Variants in NRCAM observed in about 807,000 individuals in gnomAD.
The protein encoded by NRCAM is NgCAM-related cell adhesion molecule.
NRCAM carries 83 observed loss-of-function variants against 156.5 expected under a neutral mutation model. The ratio of observed to expected loss-of-function variants is 0.53; its 90% confidence interval spans 0.44 to 0.64. The LOEUF is 0.64. Ranked by LOEUF, NRCAM falls within the 30% of genes least tolerant of loss-of-function variation. The pLI, the probability that NRCAM is intolerant of heterozygous loss-of-function variation, is 0.00. For synonymous variants in NRCAM, 538 were observed against 563.9 expected (o/e 0.95, Z 0.65); for missense variants, 1,417 against 1,597.3 (o/e 0.89, Z 1.92).
intron 2 of NRCAM, among the ~76,000 whole-genome samples, chr7:108,390,912 G>A (rs2099757585): frequency 6.6e-6 from 1 of 152,032 alleles, no homozygotes; most frequent in African/African-American, 2.4e-5. Flanking sequence ...CTGAGTTCTA[G>A]TTTGATTGCA....
intron 2 of NRCAM, among the ~76,000 whole-genome samples, chr7:108,389,812 G>A (rs145276618): frequency 0.25 from 38,306 of 151,952 alleles, 5,095 homozygotes; most frequent in Non-Finnish European, 0.28. Context: ...TATTGAGATA[G>A]TCATGTGGTT....
At chr7:108,216,047 T>A (rs1259773325) in intron 11 of NRCAM, among the ~76,000 whole-genome samples, 1 of 152,214 alleles carries the variant, frequency 6.6e-6, no homozygotes, top group African/African-American at 2.4e-5. Context: ...AGTGGCTGGT[T>A]CTGGTTTTTC....
At position 108,225,612 on chromosome 7, in the gene NRCAM, G is replaced by A. The variant is rs748518087; in HGVS notation, c.778+33C>T. On this transcript the variant is annotated intron_variant, in intron 10 of 32. Transcript: ENST00000379028. ...TAGTGAACTAAATTCTACAATGAAG[G>A]AGAGAATATCAGTTACAATCACCAT... 1.3e-5 allele frequency: 17 copies of A among 1,326,706 alleles called. No individual in the cohort carries two copies. In the Middle Eastern group the frequency reaches 7.6e-4, roughly 59 times the overall value. The allele number at this position is 1,326,706 out of a possible 1,614,324, so 82.2% of individuals were successfully genotyped here. A position where few individuals can be genotyped will look rare whatever the true frequency, so the allele number is the denominator to read the frequency against.
chr7:108,356,687 G>A (rs1319350836), intron 2 of NRCAM, among the ~76,000 whole-genome samples: 1 of 152,178 alleles, frequency 6.6e-6, no homozygotes, highest in East Asian at 1.9e-4. Flanking sequence ...ACTTATATTA[G>A]TTTATAAAAA....
At chr7:108,441,222 CAA>C (rs1320279437) in intron 1 of NRCAM, among the ~76,000 whole-genome samples, 2 of 152,070 alleles carry the variant, frequency 1.3e-5, no homozygotes, top group African/African-American at 4.8e-5. Flanking sequence ...TGAGAATATG[CAA>C]AAGTTATCTT....
At chr7:108,223,027 G>T (rs1302440419) in intron 11 of NRCAM, among the ~76,000 whole-genome samples, 7 of 152,162 alleles carry the variant, frequency 4.6e-5, no homozygotes, top group African/African-American at 1.7e-4. Flanking sequence ...TTGGCCTTGT[G>T]ACCTGCCAAT....
intron 2 of NRCAM, among the ~76,000 whole-genome samples, chr7:108,341,728 C>T (rs953147455): frequency 6.6e-6 from 1 of 152,122 alleles, no homozygotes; most frequent in African/African-American, 2.4e-5. Context: ...CCCTTAGACC[C>T]GAGGCCCAAC....
intron 13 of NRCAM, among the ~76,000 whole-genome samples, chr7:108,203,148 G>C (rs190827578): frequency 4.9e-4 from 74 of 152,290 alleles, no homozygotes; most frequent in African/African-American, 1.8e-3. Flanking sequence ...CCTGCCAATA[G>C]CAAGTTCATT....
chr7:108,352,120 C>G (rs1195110044), intron 2 of NRCAM, among the ~76,000 whole-genome samples: 1 of 152,162 alleles, frequency 6.6e-6, no homozygotes, highest in Non-Finnish European at 1.5e-5. Context: ...ATTCCTTCCT[C>G]TAAGAATTGA....
intron 14 of NRCAM, among the ~76,000 whole-genome samples, chr7:108,196,209 C>T (rs1455306772): frequency 6.6e-6 from 1 of 152,154 alleles, no homozygotes; most frequent in African/African-American, 2.4e-5. Flanking sequence ...TGTTGAATGA[C>T]TCACTCATCA....
At chr7:108,398,735 CT>C (rs1380838522) in intron 2 of NRCAM, among the ~76,000 whole-genome samples, 1 of 152,174 alleles carries the variant, frequency 6.6e-6, no homozygotes, top group African/African-American at 2.4e-5. Context: ...CATTAGCTGC[CT>C]TTTCCATTCC....
intron 3 of NRCAM, among the ~76,000 whole-genome samples, chr7:108,263,216 T>C (rs565431797): frequency 1.6e-4 from 24 of 152,362 alleles, no homozygotes; most frequent in African/African-American, 5.0e-4. Context: ...AATCATATTA[T>C]CTTATCTGCC....
intron 3 of NRCAM, among the ~76,000 whole-genome samples, chr7:108,272,835 G>A (rs2097419053): frequency 6.6e-6 from 1 of 151,998 alleles, no homozygotes; most frequent in Non-Finnish European, 1.5e-5. Flanking sequence ...TATGTGCCAT[G>A]TTGGTTTGCT....
chr7:108,284,404 G>A (rs1424144148), intron 3 of NRCAM, among the ~76,000 whole-genome samples: 2 of 152,074 alleles, frequency 1.3e-5, no homozygotes, highest in Non-Finnish European at 1.5e-5. Flanking sequence ...CTCTAACAAG[G>A]TTTTCTGCCT....
chr7:108,254,737 G>C (rs1484687269), intron 3 of NRCAM, among the ~76,000 whole-genome samples: 1 of 151,928 alleles, frequency 6.6e-6, no homozygotes, highest in Non-Finnish European at 1.5e-5. Flanking sequence ...TACTTGTAGA[G>C]ACCAGGTTTC....
At chr7:108,309,442 C>T (rs1274786202) in intron 3 of NRCAM, among the ~76,000 whole-genome samples, 1 of 152,154 alleles carries the variant, frequency 6.6e-6, no homozygotes, top group Non-Finnish European at 1.5e-5. Context: ...TCTTCAGCTT[C>T]ATGGGGCAAG....
At chr7:108,320,330 T>G (rs897392811) in intron 2 of NRCAM, among the ~76,000 whole-genome samples, 1 of 152,070 alleles carries the variant, frequency 6.6e-6, no homozygotes, top group Non-Finnish European at 1.5e-5. Flanking sequence ...CATGGTGGCA[T>G]GCACCTGTGG....
intron 17 of NRCAM, 97 bp from the exon 18 acceptor site, chr7:108,191,950 G>A (rs2071981316): frequency 1.4e-6 from 2 of 1,384,510 alleles, no homozygotes; most frequent in East Asian, 4.6e-5. Flanking sequence ...TTTGATAAAG[G>A]AGAAAGATGG....
rs2065331368 is a variant in NRCAM, at chr7:108,184,281, C to G, written c.2264G>C (p.Gly755Ala). The G allele has an allele frequency of 6.2e-7, 1 of 1,614,146 alleles. No individual in the cohort carries two copies. Among genetic ancestry groups the G allele is most frequent in the Non-Finnish European group, 8.5e-7 (1 of 1,180,018 alleles). ...CAAATTATCAGGCTCTGATCCCAGTCCTTCCACAGCTGTGGGGTTTTTATC... is the reference window on the plus strand; with the variant it reads ...CAAATTATCAGGCTCTGATCCCAGTGCTTCCACAGCTGTGGGGTTTTTATC... ...EPDKNPTAVE[G>A]LGSEPDNLVI... Residue 755 changes from glycine (G) to alanine (A), a missense_variant, in exon 22 of 33, where the codon GGA (glycine) becomes GCA (alanine). Physicochemically the swap from Gly to Ala is moderately conservative, Grantham distance 60 (BLOSUM62 0). This residue lies in a region of NRCAM where 1,238 missense variants were observed against 1,336.4 expected (regional missense o/e 0.93). Transcript: ENST00000379028.
Sources: allele counts gnomAD v4.1 joint callset (sites outside exome capture counted in the v4.1 genomes callset), GRCh38; gene constraint gnomAD v4.1.1; regional missense constraint gnomAD v4.1.1; transcripts MANE v1.5; gene names NCBI Gene and HGNC (gene_info 2026-07-23, HGNC 2026-07-21).